The following CDH22 variants were observed in gnomAD, a reference collection of about 807,000 sequenced individuals.
CDH22 encodes the protein cadherin 22, also known as cadherin-22.
In CDH22, 30 loss-of-function variants were observed where a neutral mutation model predicts 58.4. That is an observed-to-expected ratio of 0.51 (90% CI 0.38 to 0.70). The LOEUF (loss-of-function observed/expected upper bound fraction) is 0.70. CDH22 is among the 30% of genes least tolerant of loss of function. The pLI is 0.00. For synonymous variants in CDH22, 513 were observed against 558.2 expected (o/e 0.92, Z 1.14); for missense variants, 1,014 against 1,233.9 (o/e 0.82, Z 2.67).
chr20:46,221,943 GC>G (rs969603566), intron 4 of CDH22, among the ~76,000 whole-genome samples: 1 of 152,204 alleles, frequency 6.6e-6, no homozygotes, highest in Non-Finnish European at 1.5e-5. Flanking sequence ...TACTACAGGT[GC>G]TGGGGCTGCA....
intron 11 of CDH22, among the ~76,000 whole-genome samples, chr20:46,177,028 G>A (rs893207858): frequency 2.6e-5 from 4 of 152,206 alleles, no homozygotes; most frequent in Non-Finnish European, 5.9e-5. Flanking sequence ...GGCTAGGGTG[G>A]GGGGAGAAGG....
At position 46,216,799 on chromosome 20, in the gene CDH22, G is replaced by A. The variant is rs2086088329; in HGVS notation, c.838+27C>T. 4 of 1,580,044 alleles carry A rather than the reference G, an allele frequency of 2.5e-6. No homozygotes were observed. Among genetic ancestry groups the A allele is most frequent in the Admixed American group, 1.7e-5 (1 of 59,418 alleles). ...GGGTAACAGACAGACACACAGACGC[G>A]CCTTCCTCTGGGAAGGCCTCACTCA... On this transcript the variant is annotated intron_variant, in intron 5 of 11. Coordinates refer to ENST00000537909, the MANE Select transcript of CDH22 (RefSeq NM_021248.3). This position sits in a 1 kb window ranked among gnomAD's most constrained non-coding sequence, Gnocchi z 5.3.
Position 46,286,887 on chromosome 20 carries a change from A to G in CDH22, c.-400+21368T>C, listed in dbSNP as rs201373387. ...ATCTGTCTGCCATTCAGGGTCCTTC[A>G]TGTCTCTTCCTTTCTGTGGCTCCAG... On this transcript the variant is annotated intron_variant, in intron 1 of 11. Coordinates refer to ENST00000537909, the MANE Select transcript of CDH22 (RefSeq NM_021248.3). 3.3e-5 allele frequency among the ~76,000 whole-genome samples: 5 copies of G among 151,994 alleles called. No individual in the cohort carries two copies. In the East Asian group the frequency reaches 9.7e-4, roughly 29 times the overall value.
chr20:46,186,059 C>T (rs1164462930), intron 10 of CDH22, among the ~76,000 whole-genome samples: 1 of 151,854 alleles, frequency 6.6e-6, no homozygotes. Context: ...ACAAAAAATA[C>T]GAAAAGTAGC....
intron 10 of CDH22, among the ~76,000 whole-genome samples, chr20:46,178,586 CTTTTTT>C (rs33937889): frequency 2.2e-4 from 21 of 95,340 alleles, no homozygotes; most frequent in South Asian, 3.9e-4. Context: ...CTGGCGTTGT[CTTTTTT>C]TTTTTTTTTT....
chr20:46,230,696 CT>C (rs2086214663), intron 3 of CDH22, among the ~76,000 whole-genome samples: 1 of 152,072 alleles, frequency 6.6e-6, no homozygotes, highest in Admixed American at 6.5e-5. Context: ...TTCAGATAAG[CT>C]TTTAATATTT....
chr20:46,271,044 A>G (rs2086485613), intron 1 of CDH22, among the ~76,000 whole-genome samples: 1 of 152,208 alleles, frequency 6.6e-6, no homozygotes, highest in Admixed American at 6.5e-5. Context: ...GTGAGGTTTG[A>G]TTATTATTCC....
chr20:46,274,832 A>G (rs1382168174), intron 1 of CDH22, among the ~76,000 whole-genome samples: 6 of 151,748 alleles, frequency 4.0e-5, no homozygotes, highest in Non-Finnish European at 8.8e-5. Context: ...AGATGCAAAA[A>G]AAAAAAAACC....
chr20:46,275,060 G>T (rs2086510839), intron 1 of CDH22, among the ~76,000 whole-genome samples: 1 of 152,170 alleles, frequency 6.6e-6, no homozygotes, highest in African/African-American at 2.4e-5. Context: ...TGAATTGTGT[G>T]CTTACAATGG....
Position 46,178,078 on chromosome 20 carries a change from G to A in CDH22, c.1783C>T (p.Leu595Phe). The change falls in exon 11 of 12, where the codon CTC becomes TTC. Residue 595 changes from leucine (L) to phenylalanine (F), a missense_variant. Coordinates refer to ENST00000537909, the MANE Select transcript of CDH22 (RefSeq NM_021248.3). ...TCGCAGCCACAGATGCGGATGGTGA[G>A]CGTGCCTGTGCTGCTCAGTGTGGGC... ...GPPTLSSTGT[L>F]TIRICGCDSS... The A allele has an allele frequency of 4.3e-6, 7 of 1,614,114 alleles. No individual in the cohort carries two copies. The highest frequency in any genetic ancestry group is 5.9e-6 in the Non-Finnish European group (7 of 1,179,992).
intron 3 of CDH22, among the ~76,000 whole-genome samples, chr20:46,233,819 G>A (rs1387926532): frequency 6.6e-6 from 1 of 152,272 alleles, no homozygotes; most frequent in Non-Finnish European, 1.5e-5. Context: ...CCCAGCACGG[G>A]TGGTGAGAGC....
At chr20:46,217,692 G>T (rs1600701374) in intron 4 of CDH22, among the ~76,000 whole-genome samples, 1 of 151,866 alleles carries the variant, frequency 6.6e-6, no homozygotes, top group East Asian at 1.9e-4. Context: ...ACTCACACCT[G>T]GCCATACAGA....
chr20:46,303,072 G>A (rs934521468), intron 1 of CDH22, among the ~76,000 whole-genome samples: 4 of 152,132 alleles, frequency 2.6e-5, no homozygotes, highest in Admixed American at 2.0e-4. Context: ...GTGGCTCCCC[G>A]CTGCTCTCGG....
Position 46,210,520 on chromosome 20 carries a change from AG to A in CDH22, c.1072del (p.Leu358TrpfsTer28). The A allele has an allele frequency of 7.0e-7, 1 of 1,435,722 alleles. No individual in the cohort carries two copies. Among genetic ancestry groups the A allele is most frequent in the South Asian group, 1.6e-5 (1 of 64,452 alleles). 88.9% of individuals were successfully genotyped at this position (1,435,722 alleles called of 1,614,324 possible). On this transcript the variant is annotated frameshift_variant, in exon 7 of 12. Coordinates refer to ENST00000537909, the MANE Select transcript of CDH22 (RefSeq NM_021248.3). LOFTEE classifies it high-confidence loss of function. This position sits in a 1 kb window ranked among gnomAD's most constrained non-coding sequence, Gnocchi z 4.5. Reference protein sequence around the residue: ...FESQPVHTVILEALNKFVDPR... With the variant: ...FESQPVHTVIXEALNKFVDPR... The stretch of plus-strand genomic sequence containing the variant: ...GTCCACGAACTTGTTGAGGGCCTCC[AG>A]GATCACGGTGTGCACGGGCTGGGAT...
chr20:46,285,970 A>G lies in CDH22; in HGVS notation c.-400+22285T>C, dbSNP rs2086575149. 2.6e-5 allele frequency among the ~76,000 whole-genome samples: 4 copies of G among 152,204 alleles called. No individual in the cohort carries two copies. In the South Asian group the frequency reaches 8.3e-4, roughly 32 times the overall value. Reference sequence around the variant, plus strand: ...ATGGGCACGACAGGCTGTCTGTCCCAGCATTTTTGTCAGGCCTTCAGGAAT... The same window carrying G: ...ATGGGCACGACAGGCTGTCTGTCCCGGCATTTTTGTCAGGCCTTCAGGAAT... On this transcript the variant is annotated intron_variant, in intron 1 of 11. Transcript: ENST00000537909.
intron 1 of CDH22, among the ~76,000 whole-genome samples, chr20:46,296,081 T>C (rs1236495166): frequency 6.6e-6 from 1 of 152,184 alleles, no homozygotes; most frequent in African/African-American, 2.4e-5. Context: ...CATCTTTTTA[T>C]ATCAGGAGCC....
intron 1 of CDH22, among the ~76,000 whole-genome samples, chr20:46,265,497 A>T (rs982299262): frequency 6.6e-6 from 1 of 152,174 alleles, no homozygotes; most frequent in Non-Finnish European, 1.5e-5. Flanking sequence ...TGTGTGTCCC[A>T]TTCTTGAACA....
chr20:46,186,406 C>T (rs908067995), intron 10 of CDH22, among the ~76,000 whole-genome samples, 182 bp downstream of exon 10: 2 of 151,706 alleles, frequency 1.3e-5, no homozygotes, highest in South Asian at 2.1e-4. Context: ...CTCCACCAAC[C>T]CACACCCTGC....
rs1235157399 is a variant in CDH22, at chr20:46,241,285, G to A, written c.256-28C>T. 1.3e-6 allele frequency: 2 copies of A among 1,555,274 alleles called. No individual in the cohort carries two copies. The highest frequency in any genetic ancestry group is 2.4e-5 in the South Asian group (2 of 81,678). On this transcript the variant is annotated intron_variant, in intron 2 of 11. Transcript: ENST00000537909. This position sits in a 1 kb window ranked among gnomAD's most constrained non-coding sequence, Gnocchi z 5.2. ...GGGTAGGCAGAGAAGAAGGCAAGGT[G>A]GAGGCTGAGAAGGAAGCTCCTCTTG...
Sources: gnomAD v4.1 joint callset for allele counts (sites outside exome capture counted in the v4.1 genomes callset) on GRCh38, gnomAD v4.1.1 for gene constraint, Gnocchi (gnomAD v3.1) non-coding constraint, MANE v1.5 for transcripts, NCBI Gene and HGNC (gene_info 2026-07-23, HGNC 2026-07-21) for gene names.